MPP7: variants seen among roughly 807,000 people sequenced by gnomAD.
The protein encoded by MPP7 is MAGUK p55 subfamily member 7.
In MPP7, 60 loss-of-function variants were observed where a neutral mutation model predicts 76.5. The ratio of observed to expected loss-of-function variants is 0.78; its 90% CI spans 0.64 to 0.97. The LOEUF (loss-of-function observed/expected upper bound fraction) is 0.97, where lower values mean the gene tolerates loss of function less well. Among genes scored for constraint, MPP7 ranks in the 50% least tolerant of loss-of-function variants. The probability of loss-of-function intolerance (pLI) is 0.00; values close to 1 mark genes in which losing one functional copy is unlikely to be tolerated. For synonymous variants in MPP7, 237 were observed against 244.5 expected (o/e 0.97, Z 0.29); for missense variants, 641 against 694.0 (o/e 0.92, Z 0.86).
rs530253451 is a variant in MPP7, at chr10:28,237,860, T to C, written c.37+708A>G. ...TAGAGGCATCCAGGATTTTACACTT[T>C]GAAAAAGTGCTGATTCTGGTCCAGA... On this transcript the variant is annotated intron_variant, in intron 2 of 16. Transcript: ENST00000683449. Among the ~76,000 whole-genome samples, 57 of 152,304 alleles carry C rather than the reference T, an allele frequency of 3.7e-4. 1 individual carries two copies. The South Asian group carries it at 9.5e-3, about 25-fold the overall frequency.
intron 2 of MPP7, among the ~76,000 whole-genome samples, chr10:28,321,062 C>T (rs1389721544): frequency 6.6e-6 from 1 of 152,258 alleles, no homozygotes; most frequent in Non-Finnish European, 1.5e-5. Flanking sequence ...TCCTCACTCC[C>T]AGAGCCCTAG....
chr10:28,185,333 C>T (rs12250922), intron 3 of MPP7, among the ~76,000 whole-genome samples: 1,760 of 152,010 alleles, frequency 0.012, 36 homozygotes, highest in African/African-American at 0.039. Context: ...AGCAATGTGG[C>T]TCACAATGCC....
rs571259261 is a variant in MPP7, at chr10:28,056,482, T to C, written c.1549A>G (p.Thr517Ala). The C allele has an allele frequency of 1.9e-5, 31 of 1,612,400 alleles. No individual in the cohort carries two copies. In the South Asian group the frequency reaches 3.3e-4, roughly 17 times the overall value. The change falls in exon 16 of 17, where the codon ACA becomes GCA. Residue 517 changes from threonine (T) to alanine (A), a missense_variant and splice_region_variant. By Grantham distance (58) the Thr-to-Ala change is moderately conservative. Transcript: ENST00000683449. The stretch of plus-strand genomic sequence containing the variant: ...CCCCCAAGCATCATTATACTTACTG[T>C]GAAGGGTTTTGCAGCACCTTGGTCA... ...RDDQGAAKPF[T>A]EEDFQEMIKS...
chr10:28,056,494 C>T lies in MPP7; in HGVS notation c.1537G>A (p.Ala513Thr), dbSNP rs1851563034. The change falls in exon 16 of 17, where the codon GCA becomes ACA. Residue 513 changes from alanine (A) to threonine (T), a missense_variant. Physicochemically the swap from Ala to Thr is moderately conservative, Grantham distance 58. Transcript: ENST00000683449. ...IISSRDDQGA[A>T]KPFTEEDFQE... ...ATTATACTTACTGTGAAGGGTTTTGCAGCACCTTGGTCATCTCTGCTTGAA... is the reference window on the plus strand; with the variant it reads ...ATTATACTTACTGTGAAGGGTTTTGTAGCACCTTGGTCATCTCTGCTTGAA... 6.2e-7 allele frequency: 1 copy of T among 1,612,762 alleles called. No individual in the cohort carries two copies.
intron 11 of MPP7, among the ~76,000 whole-genome samples, chr10:28,100,439 T>C (rs1853771683): frequency 6.6e-6 from 1 of 152,154 alleles, no homozygotes; most frequent in Non-Finnish European, 1.5e-5. Context: ...GAAGAAATGC[T>C]AAATCTAGAT....
chr10:28,322,873 A>G (rs1207003818), intron 2 of MPP7, among the ~76,000 whole-genome samples: 3 of 152,128 alleles, frequency 2.0e-5, no homozygotes, highest in Non-Finnish European at 4.4e-5. Flanking sequence ...TTCTGCCTCC[A>G]TTGTTTCATT....
chr10:28,120,076 T>A, intron 10 of MPP7, 118 bp downstream of exon 10: 1 of 1,104,196 alleles, frequency 9.1e-7, no homozygotes, highest in Non-Finnish European at 1.3e-6. Flanking sequence ...ACCCACAGGA[T>A]AAAAAATTCT....
At chr10:28,312,500 G>C (rs1386734190) in intron 2 of MPP7, among the ~76,000 whole-genome samples, 1 of 152,104 alleles carries the variant, frequency 6.6e-6, no homozygotes, top group Non-Finnish European at 1.5e-5. Flanking sequence ...AGTCCAGCTG[G>C]CTTCACCTCT....
chr10:28,303,819 G>C (rs182223142), upstream of MPP7, among the ~76,000 whole-genome samples: 2 of 152,314 alleles, frequency 1.3e-5, no homozygotes, highest in East Asian at 3.9e-4. Context: ...ACTGGTATCA[G>C]CGCCCTTCAG....
chr10:28,318,720 T>C (rs1258592834), intron 2 of MPP7, among the ~76,000 whole-genome samples: 2 of 152,076 alleles, frequency 1.3e-5, no homozygotes, highest in Non-Finnish European at 2.9e-5. Context: ...ATAGGATTAT[T>C]CTTGTGAAAG....
intron 1 of MPP7, among the ~76,000 whole-genome samples, chr10:28,281,733 CTAAT>C (rs968489848): frequency 2.3e-4 from 35 of 152,028 alleles, no homozygotes; most frequent in African/African-American, 8.0e-4. Context: ...GGTAGGTACT[CTAAT>C]TAGCCTGTTT....
intron 3 of MPP7, among the ~76,000 whole-genome samples, chr10:28,168,282 T>C (rs2133855783): frequency 6.6e-6 from 1 of 152,254 alleles, no homozygotes; most frequent in Non-Finnish European, 1.5e-5. Flanking sequence ...ATGTTTCTGA[T>C]GTTTTCTACC....
intron 2 of MPP7, among the ~76,000 whole-genome samples, chr10:28,327,926 A>G (rs994773871): frequency 6.6e-6 from 1 of 152,250 alleles, no homozygotes; most frequent in Non-Finnish European, 1.5e-5. Flanking sequence ...GGGTTCCCTC[A>G]GTCCCCTGAC....
chr10:28,148,058 T>C (rs1008983221), intron 4 of MPP7, among the ~76,000 whole-genome samples: 1 of 152,174 alleles, frequency 6.6e-6, no homozygotes, highest in South Asian at 2.1e-4. Context: ...ATGCCCCTAA[T>C]AGAGCAAATG....
chr10:28,232,792 G>A (rs1449069337), intron 2 of MPP7, among the ~76,000 whole-genome samples: 1 of 152,284 alleles, frequency 6.6e-6, no homozygotes, highest in African/African-American at 2.4e-5. Flanking sequence ...TGACTGAGAA[G>A]AGATACACAG....
intron 6 of MPP7, among the ~76,000 whole-genome samples, chr10:28,126,023 T>G (rs1162671122): frequency 1.3e-5 from 2 of 151,938 alleles, no homozygotes; most frequent in East Asian, 3.8e-4. Context: ...GAAGTGAAAT[T>G]TTTCTCCAGT....
intron 2 of MPP7, among the ~76,000 whole-genome samples, chr10:28,206,407 C>T (rs1268390502): frequency 1.3e-5 from 2 of 151,988 alleles, no homozygotes; most frequent in African/African-American, 2.4e-5. Context: ...AAATACATAC[C>T]TAATTAATTA....
intron 3 of MPP7, among the ~76,000 whole-genome samples, chr10:28,167,527 C>CGGGTGA (rs1836524417): frequency 1.3e-5 from 2 of 152,214 alleles, no homozygotes; most frequent in South Asian, 4.1e-4. Flanking sequence ...ACTATGTTCA[C>CGGGTGA]CATTTGGGTG....
At chr10:28,209,528 C>G (rs1309312940) in intron 2 of MPP7, among the ~76,000 whole-genome samples, 3 of 150,196 alleles carry the variant, frequency 2.0e-5, no homozygotes, top group Non-Finnish European at 4.4e-5. Context: ...TATTGTCTTT[C>G]TGCTTTGTTT....
Sources: gnomAD v4.1 joint callset for allele counts (sites outside exome capture counted in the v4.1 genomes callset) on GRCh38, gnomAD v4.1.1 for gene constraint, MANE v1.5 for transcripts, NCBI Gene and HGNC (gene_info 2026-07-23, HGNC 2026-07-21) for gene names.